DOT1L: variants seen among roughly 807,000 people sequenced by gnomAD.
DOT1L encodes the protein histone-lysine N-methyltransferase, H3 lysine-79 specific.
Under a neutral mutation model 153.3 loss-of-function variants are expected in DOT1L, and 33 were observed. That is an observed-to-expected ratio of 0.22 (90% CI 0.16 to 0.29). The LOEUF (loss-of-function observed/expected upper bound fraction) is 0.29. DOT1L is among the 10% of genes least tolerant of loss of function. DOT1L has a pLI of 1.00. For synonymous variants in DOT1L, 1,135 were observed against 965.1 expected (o/e 1.18, Z -3.26); for missense variants, 1,847 against 2,119.9 (o/e 0.87, Z 2.53).
intron 9 of DOT1L, among the ~76,000 whole-genome samples, chr19:2,206,108 CT>C (rs2023480476): frequency 6.6e-6 from 1 of 152,022 alleles, no homozygotes; most frequent in Non-Finnish European, 1.5e-5. Context: ...AGTGATTCTC[CT>C]GCCTCAGCCT....
intron 27 of DOT1L, 155 bp downstream of exon 27, chr19:2,227,282 C>T (rs1259009051): frequency 2.1e-6 from 2 of 973,354 alleles, no homozygotes; most frequent in East Asian, 2.4e-5. Context: ...GTGGCGAACT[C>T]CAGTCCTGTG....
chr19:2,202,829 G>T (rs375308470), intron 9 of DOT1L, 50 bp downstream of exon 9: 1 of 1,604,838 alleles, frequency 6.2e-7, no homozygotes. Context: ...GATTGAGGAA[G>T]GGTGGCCAGG....
rs977170799 is a variant in DOT1L at position 2,218,019 on chromosome 19, A to G, written c.2691+101A>G. Reference sequence around the variant, plus strand: ...ACTTTGCGAAGTCTCACGCTGTAAAATGTCGAGCGTGAGGCAATGCAGTCA... The same window carrying G: ...ACTTTGCGAAGTCTCACGCTGTAAAGTGTCGAGCGTGAGGCAATGCAGTCA... On this transcript the variant is annotated intron_variant, in intron 22 of 27. Coordinates refer to ENST00000398665, the MANE Select transcript of DOT1L (RefSeq NM_032482.3). 3 of 1,480,644 alleles carry G rather than the reference A, an allele frequency of 2.0e-6. No homozygotes were observed. The African/African-American group carries it at 4.1e-5, about 20-fold the overall frequency. 91.7% of individuals were successfully genotyped at this position (1,480,644 alleles called of 1,614,324 possible).
chr19:2,229,269 G>A (rs2024498887), intron 27 of DOT1L: 3 of 985,362 alleles, frequency 3.0e-6, no homozygotes, highest in Admixed American at 6.1e-5. Context: ...GCCCTCCAGG[G>A]ACATGGCGTG....
chr19:2,227,231 C>A, intron 27 of DOT1L, 104 bp downstream of exon 27: 1 of 1,447,868 alleles, frequency 6.9e-7, no homozygotes, highest in Non-Finnish European at 9.6e-7. Flanking sequence ...AGCTGAGCTG[C>A]AGGTCCCCTG....
At chr19:2,198,617 G>A (rs2023116859) in intron 7 of DOT1L, among the ~76,000 whole-genome samples, 2 of 152,228 alleles carry the variant, frequency 1.3e-5, no homozygotes, top group Admixed American at 1.3e-4. Flanking sequence ...GCTGGGTGGG[G>A]CGCGAGGCCT....
intron 27 of DOT1L, chr19:2,229,229 G>A (rs2024496703): frequency 5.1e-6 from 5 of 985,436 alleles, no homozygotes; most frequent in Non-Finnish European, 4.8e-6. Flanking sequence ...GACTGTGGCC[G>A]CTGACCCCTG....
intron 22 of DOT1L, among the ~76,000 whole-genome samples, chr19:2,219,537 T>C (rs113712010): frequency 0.015 from 2,360 of 152,278 alleles, 55 homozygotes; most frequent in African/African-American, 0.053. Flanking sequence ...CTTGATTCCC[T>C]GTTTTGGCGA....
intron 2 of DOT1L, among the ~76,000 whole-genome samples, chr19:2,181,756 GCCCAGCACCAGC>G (rs950369998): frequency 6.8e-6 from 1 of 147,500 alleles, no homozygotes; most frequent in African/African-American, 2.5e-5. Flanking sequence ...CCCAGCCCCC[GCCCAGCACCAGC>G]CCCAGCCCCA....
At chr19:2,170,913 G>A (rs2021587223) in intron 1 of DOT1L, among the ~76,000 whole-genome samples, 1 of 152,040 alleles carries the variant, frequency 6.6e-6, no homozygotes, top group South Asian at 2.1e-4. Flanking sequence ...GGAGTCTCCT[G>A]GAACCTGTCC....
At chr19:2,206,898 G>A in intron 10 of DOT1L, 101 bp downstream of exon 10, 6 of 1,238,042 alleles carry the variant, frequency 4.8e-6, no homozygotes, top group Non-Finnish European at 7.0e-6. Flanking sequence ...GGACACTGGG[G>A]CTGGATCCTT....
chr19:2,201,139 G>GCATTCCTCGTCCTCCCCT (rs1568348466), intron 8 of DOT1L, among the ~76,000 whole-genome samples: 18 of 41,106 alleles, frequency 4.4e-4, no homozygotes, highest in Non-Finnish European at 7.6e-4. Context: ...CGTCCTCCCC[G>GCATTCCTCGTCCTCCCCT]CATTCCTCGT....
chr19:2,195,679 C>T (rs545725298), intron 7 of DOT1L, among the ~76,000 whole-genome samples: 38 of 152,192 alleles, frequency 2.5e-4, no homozygotes, highest in African/African-American at 7.2e-4. Flanking sequence ...CTGGGTGGGG[C>T]GGGCACCAGG....
rs147921742 is a variant in DOT1L at position 2,204,356 on chromosome 19, CTGTGTG to C, written c.787+1586_787+1591del. Among the ~76,000 whole-genome samples the C allele has an allele frequency of 6.6e-6, 1 of 151,764 alleles. No individual in the cohort carries two copies. The highest frequency in any genetic ancestry group is 2.4e-5 in the African/African-American group (1 of 41,406). ...GTGCCTTGGGAGTTTGTTTGCATAT[CTGTGTG>C]TGTGTGTGCGTGTGGCAGTGGTGTT... On this transcript the variant is annotated intron_variant, in intron 9 of 27. Transcript: ENST00000398665. This position sits in a 1 kb window ranked among gnomAD's most constrained non-coding sequence, Gnocchi z 5.7.
chr19:2,218,068 C>T (rs1045720220), intron 22 of DOT1L, 150 bp downstream of exon 22: 35 of 1,183,244 alleles, frequency 3.0e-5, no homozygotes, highest in African/African-American at 1.2e-4. Context: ...AAAGCCGGGG[C>T]GTGTCCGGTG....
At chr19:2,166,663 G>C (rs915220063) in intron 1 of DOT1L, among the ~76,000 whole-genome samples, 2 of 152,098 alleles carry the variant, frequency 1.3e-5, no homozygotes, top group African/African-American at 4.8e-5. Flanking sequence ...CGCCTGCCTT[G>C]GCTTCCCAAA....
intron 27 of DOT1L, chr19:2,227,561 G>T (rs971296649): frequency 3.5e-5 from 24 of 687,936 alleles, no homozygotes; most frequent in Non-Finnish European, 4.8e-5. Context: ...GGGGCGGGGG[G>T]CCGGAGGGCG....
At chr19:2,174,468 C>A (rs940002664) in intron 1 of DOT1L, among the ~76,000 whole-genome samples, 2 of 152,092 alleles carry the variant, frequency 1.3e-5, no homozygotes, top group Non-Finnish European at 2.9e-5. Flanking sequence ...GGGCAGATCA[C>A]CTGAGGTTGG....
In DOT1L at chr19:2,202,149, C is replaced by T. The variant is rs71337089; in HGVS notation, c.708-551C>T. Among the ~76,000 whole-genome samples, 1,019 of 152,322 alleles carry T rather than the reference C, an allele frequency of 6.7e-3. 6 individuals carry two copies. The highest frequency in any genetic ancestry group is 0.02 in the East Asian group (104 of 5,184). ...GGAACACGGGCAGCCCAAGGAGCCT[C>T]GTTTGAGGATGCCTGGCCTGGGAAA... On this transcript the variant is annotated intron_variant, in intron 8 of 27. Transcript: ENST00000398665.
Sources: allele counts gnomAD v4.1 joint callset (sites outside exome capture counted in the v4.1 genomes callset), GRCh38; gene constraint gnomAD v4.1.1; non-coding constraint Gnocchi (gnomAD v3.1); transcripts MANE v1.5; gene names NCBI Gene and HGNC (gene_info 2026-07-23, HGNC 2026-07-21).